GALNT17: variants seen among roughly 807,000 people sequenced by gnomAD.
GALNT17 encodes the protein UDP-GalNAc:polypeptide N-acetylgalactosaminyltransferase-like 3.
Under a neutral mutation model 63.7 loss-of-function variants are expected in GALNT17, and 29 were observed. The observed-to-expected ratio is 0.46, with a 90% CI of 0.34 to 0.62. The LOEUF is 0.62. Among genes scored for constraint, GALNT17 ranks in the 20% least tolerant of loss-of-function variants. GALNT17 has a pLI of 0.01. For synonymous variants in GALNT17, 305 were observed against 318.3 expected (o/e 0.96, Z 0.45); for missense variants, 603 against 799.6 (o/e 0.75, Z 2.97).
chr7:71,132,871 C>G lies in GALNT17; in HGVS notation c.69C>G (p.Leu23=). ...LNLIAVAGFV[L]FLAKCRPIAV... ...TGATCGCGGTAGCCGGCTTCGTGCT[C>G]TTCCTGGCCAAGTGCCGGCCCATCG... is the stretch of plus-strand genomic sequence containing the variant. The change falls in exon 1 of 11, where the codon CTC becomes CTG. Residue 23 remains leucine (L), a synonymous_variant. Transcript: ENST00000333538. 1 of 1,613,140 alleles carries G rather than the reference C, an allele frequency of 6.2e-7. No individual in the cohort carries two copies. Among genetic ancestry groups the G allele is most frequent in the Non-Finnish European group, 8.5e-7 (1 of 1,179,518 alleles).
intron 6 of GALNT17, among the ~76,000 whole-genome samples, chr7:71,571,771 T>A (rs929762426): frequency 6.6e-6 from 1 of 152,142 alleles, no homozygotes. Flanking sequence ...CCCAACACTT[T>A]GGGAGGCCAC....
At chr7:71,570,506 G>C (rs73702218) in intron 5 of GALNT17, among the ~76,000 whole-genome samples, 4,099 of 152,076 alleles carry the variant, frequency 0.027, 197 homozygotes, top group African/African-American at 0.093. Flanking sequence ...GGTGCATCTT[G>C]CTTCTCACCT....
intron 1 of GALNT17, among the ~76,000 whole-genome samples, chr7:71,145,111 A>G (rs934550061): frequency 6.6e-6 from 1 of 152,036 alleles, no homozygotes; most frequent in African/African-American, 2.4e-5. Flanking sequence ...GAGGGATGAA[A>G]TTGTCAGGAT....
At chr7:71,676,562 G>GT (rs1191184036) in intron 8 of GALNT17, among the ~76,000 whole-genome samples, 2 of 151,808 alleles carry the variant, frequency 1.3e-5, no homozygotes, top group South Asian at 2.1e-4. Context: ...TTGTTTTAAT[G>GT]TTTTTTTAGG....
At chr7:71,242,677 A>T (rs1348654799) in intron 1 of GALNT17, among the ~76,000 whole-genome samples, 1 of 152,174 alleles carries the variant, frequency 6.6e-6, no homozygotes, top group Non-Finnish European at 1.5e-5. Flanking sequence ...AACTTGGACT[A>T]CAAGGAAGAG....
chr7:71,432,747 C>G (rs979094524), intron 5 of GALNT17, among the ~76,000 whole-genome samples: 2 of 152,182 alleles, frequency 1.3e-5, no homozygotes, highest in Non-Finnish European at 2.9e-5. Flanking sequence ...GCAGGAAGAT[C>G]ACTTGAAGCC....
rs186780806 is a variant in GALNT17 at position 71,678,721 on chromosome 7, G to A, written c.1500+1415G>A. 7.5e-3 allele frequency among the ~76,000 whole-genome samples: 1,142 copies of A among 151,914 alleles called. 23 individuals carry two copies. The highest frequency in any genetic ancestry group is 0.03 in the Admixed American group (459 of 15,258). ...GAGGCAGGAGAATAGCATGAACCCA[G>A]GAGGTGGAGCTTGCAGTGAGCCAAG... On this transcript the variant is annotated intron_variant, in intron 9 of 10. Transcript: ENST00000333538.
chr7:71,649,277 A>G (rs1486718751), intron 6 of GALNT17, among the ~76,000 whole-genome samples: 2 of 152,166 alleles, frequency 1.3e-5, no homozygotes, highest in Admixed American at 1.3e-4. Context: ...CTCATGGGCC[A>G]TTTTTTAGGA....
At chr7:71,318,972 C>A (rs1253089904) in intron 1 of GALNT17, among the ~76,000 whole-genome samples, 1 of 152,130 alleles carries the variant, frequency 6.6e-6, no homozygotes, top group Non-Finnish European at 1.5e-5. Flanking sequence ...GGGATCTGTC[C>A]AAGGTCATTG....
chr7:71,419,091 A>G (rs901267196), intron 4 of GALNT17, among the ~76,000 whole-genome samples: 5 of 152,334 alleles, frequency 3.3e-5, no homozygotes, highest in South Asian at 2.1e-4. Context: ...AAAAGAAAAA[A>G]AAAGAAATAT....
chr7:71,172,153 A>C (rs1186621500), intron 1 of GALNT17, among the ~76,000 whole-genome samples: 1 of 152,146 alleles, frequency 6.6e-6, no homozygotes, highest in African/African-American at 2.4e-5. Context: ...GGAGAAGTTA[A>C]GGTGTGTGTG....
At chr7:71,195,661 C>A (rs963481734) in intron 1 of GALNT17, among the ~76,000 whole-genome samples, 1 of 151,450 alleles carries the variant, frequency 6.6e-6, no homozygotes, top group Non-Finnish European at 1.5e-5. Context: ...GACCCTCTCT[C>A]CTCAGCCTCC....
intron 1 of GALNT17, among the ~76,000 whole-genome samples, chr7:71,158,892 A>G (rs535094885): frequency 6.6e-6 from 1 of 151,956 alleles, no homozygotes; most frequent in Admixed American, 6.5e-5. Flanking sequence ...TATTTTTAGT[A>G]GAGACGTGAA....
intron 6 of GALNT17, among the ~76,000 whole-genome samples, chr7:71,661,623 G>A (rs1354856569): frequency 6.6e-6 from 1 of 152,208 alleles, no homozygotes; most frequent in East Asian, 1.9e-4. Flanking sequence ...CACAGTGCAT[G>A]CCCAGTGATG....
At chr7:71,588,932 A>C (rs1171085260) in intron 6 of GALNT17, among the ~76,000 whole-genome samples, 3 of 152,146 alleles carry the variant, frequency 2.0e-5, no homozygotes, top group Non-Finnish European at 4.4e-5. Flanking sequence ...AAGCTAAACT[A>C]TATCTTTGCA....
At chr7:71,422,641 C>T (rs1786687667) in intron 5 of GALNT17, among the ~76,000 whole-genome samples, 1 of 152,234 alleles carries the variant, frequency 6.6e-6, no homozygotes, top group Non-Finnish European at 1.5e-5. Flanking sequence ...CCATGGCGGT[C>T]TCCAGGATTG....
At position 71,600,053 on chromosome 7, in the gene GALNT17, C is replaced by G. The variant is rs115249802; in HGVS notation, c.1080+28651C>G. Reference sequence around the variant, plus strand: ...GACAAAGTCATCCTTGCTTGGGAACCATGGATTTAGAACATGACTTCCCAA... The same window carrying G: ...GACAAAGTCATCCTTGCTTGGGAACGATGGATTTAGAACATGACTTCCCAA... On this transcript the variant is annotated intron_variant, in intron 6 of 10. Coordinates refer to ENST00000333538, the MANE Select transcript of GALNT17 (RefSeq NM_022479.3). Among the ~76,000 whole-genome samples the G allele has an allele frequency of 3.9e-3, 598 of 151,794 alleles. 4 individuals are homozygous for G. Among genetic ancestry groups the G allele is most frequent in the African/African-American group, 0.014 (578 of 41,438 alleles).
intron 2 of GALNT17, among the ~76,000 whole-genome samples, chr7:71,353,032 C>T (rs1364021835): frequency 6.6e-6 from 1 of 151,408 alleles, no homozygotes; most frequent in Non-Finnish European, 1.5e-5. Flanking sequence ...AAAATGACTA[C>T]TCTGATGAAT....
In GALNT17 at chr7:71,166,435, G is replaced by A. The variant is rs56380111; in HGVS notation, c.238+33395G>A. Reference sequence around the variant, plus strand: ...TATGCATGCACCAGTGAAATCATCCGCATGATCAAGATAGTGACGCATCCA... The same window carrying A: ...TATGCATGCACCAGTGAAATCATCCACATGATCAAGATAGTGACGCATCCA... On this transcript the variant is annotated intron_variant, in intron 1 of 10. Coordinates refer to ENST00000333538, the MANE Select transcript of GALNT17 (RefSeq NM_022479.3). Among the ~76,000 whole-genome samples the A allele has an allele frequency of 5.4e-3, 823 of 152,274 alleles. 1 individual carries two copies. Among genetic ancestry groups the A allele is most frequent in the African/African-American group, 0.018 (762 of 41,548 alleles).
Sources: gnomAD v4.1 joint callset for allele counts (sites outside exome capture counted in the v4.1 genomes callset) on GRCh38, gnomAD v4.1.1 for gene constraint, MANE v1.5 for transcripts, NCBI Gene and HGNC (gene_info 2026-07-23, HGNC 2026-07-21) for gene names.